Variants in SEPTIN9 observed in about 807,000 individuals in gnomAD.
SEPTIN9 encodes the protein septin 9, also known as septin-9.
A neutral mutation model predicts 56.6 loss-of-function variants in SEPTIN9; 13 were observed. The observed-to-expected ratio is 0.23, with a 90% CI of 0.15 to 0.37. SEPTIN9 has a LOEUF of 0.37. Among genes scored for constraint, SEPTIN9 ranks in the 10% least tolerant of loss-of-function variants. SEPTIN9 has a pLI of 1.00. For synonymous variants in SEPTIN9, 332 were observed against 334.1 expected (o/e 0.99, Z 0.07); for missense variants, 650 against 823.1 (o/e 0.79, Z 2.57).
Position 77,492,519 on chromosome 17 carries a change from G to A in SEPTIN9, c.1381-102G>A, listed in dbSNP as rs759390776. 19 of 1,068,416 alleles carry A rather than the reference G, an allele frequency of 1.8e-5. No individual in the cohort carries two copies. The highest frequency in any genetic ancestry group is 3.4e-5 in the Admixed American group (2 of 58,994). The allele number at this position is 1,068,416 out of a possible 1,614,324, so 66.2% of individuals were successfully genotyped here. A position where few individuals can be genotyped will look rare whatever the true frequency, so the allele number is the denominator to read the frequency against. ...CCCCCCAGAGCCTGCCCTTGAACCC[G>A]AGCCTGGGGCAGCACACAGTGTGGA... On this transcript the variant is annotated intron_variant, in intron 8 of 11. Coordinates refer to ENST00000427177, the MANE Select transcript of SEPTIN9 (RefSeq NM_001113491.2). This position sits in a 1 kb window ranked among gnomAD's most constrained non-coding sequence, Gnocchi z 5.4.
chr17:77,482,499 C>T (rs1326737146), intron 4 of SEPTIN9, 164 bp downstream of exon 4: 1 of 763,672 alleles, frequency 1.3e-6, no homozygotes, highest in Non-Finnish European at 2.3e-6. Flanking sequence ...ATGCATGCGC[C>T]TGGGAGGAGC....
At chr17:77,304,481 G>C (rs940437272) in intron 1 of SEPTIN9, among the ~76,000 whole-genome samples, 1 of 152,218 alleles carries the variant, frequency 6.6e-6, no homozygotes, top group African/African-American at 2.4e-5. Context: ...AGGCCCTGGG[G>C]TATTTAACCT....
At chr17:77,439,194 C>T (rs772545196) in intron 3 of SEPTIN9, among the ~76,000 whole-genome samples, 1 of 152,166 alleles carries the variant, frequency 6.6e-6, no homozygotes, top group African/African-American at 2.4e-5. Context: ...CTCCAAAGTG[C>T]TTTCCTCCCT....
Position 77,488,412 on chromosome 17 carries a change from C to T in SEPTIN9, c.1124+91C>T, listed in dbSNP as rs564072033. On this transcript the variant is annotated intron_variant, in intron 6 of 11. Transcript: ENST00000427177. ...TCAGCCCTAGAGGTTTCCCGGCCCGCGGGGGTGCAGGGCCCACCTCCTGGG... is the reference window on the plus strand; with the variant it reads ...TCAGCCCTAGAGGTTTCCCGGCCCGTGGGGGTGCAGGGCCCACCTCCTGGG... 480 of 1,247,416 alleles carry T rather than the reference C, an allele frequency of 3.8e-4. 1 individual carries two copies. Among genetic ancestry groups the T allele is most frequent in the Middle Eastern group, 2.4e-3 (12 of 5,042 alleles). 77.3% of individuals were successfully genotyped at this position (1,247,416 alleles called of 1,614,324 possible). A position where few individuals can be genotyped will look rare whatever the true frequency, so the allele number is the denominator to read the frequency against.
chr17:77,486,123 G>C (rs932518538), intron 4 of SEPTIN9, among the ~76,000 whole-genome samples: 1 of 148,862 alleles, frequency 6.7e-6, no homozygotes, highest in African/African-American at 2.5e-5. Context: ...GCCGATTTTT[G>C]TTTTTTTAAA....
chr17:77,354,884 C>T (rs986596842), intron 2 of SEPTIN9, among the ~76,000 whole-genome samples: 5 of 152,018 alleles, frequency 3.3e-5, no homozygotes, highest in Non-Finnish European at 5.9e-5. Context: ...CCTGACCTGG[C>T]GTGGCAGGCC....
At chr17:77,391,222 G>T (rs770228419) in intron 2 of SEPTIN9, among the ~76,000 whole-genome samples, 1 of 152,138 alleles carries the variant, frequency 6.6e-6, no homozygotes, top group African/African-American at 2.4e-5. Context: ...TGAGGGAGTC[G>T]AATGGAATGG....
chr17:77,383,201 T>G (rs534287924), intron 2 of SEPTIN9, among the ~76,000 whole-genome samples: 87 of 37,440 alleles, frequency 2.3e-3, no homozygotes, highest in African/African-American at 9.6e-3. Flanking sequence ...TCCCTCCCTC[T>G]TGCATTCTTT....
At chr17:77,440,375 G>A (rs972352084) in intron 3 of SEPTIN9, among the ~76,000 whole-genome samples, 9 of 152,102 alleles carry the variant, frequency 5.9e-5, no homozygotes, top group Admixed American at 2.0e-4. Context: ...GGCTGGTCTC[G>A]AACTCCCGAC....
At chr17:77,439,873 G>C (rs1355601345) in intron 3 of SEPTIN9, among the ~76,000 whole-genome samples, 5 of 152,182 alleles carry the variant, frequency 3.3e-5, no homozygotes, top group African/African-American at 9.7e-5. Flanking sequence ...GAAGGGCCTT[G>C]CCGAGTGCTG....
chr17:77,455,998 T>G (rs1373609831), intron 3 of SEPTIN9, among the ~76,000 whole-genome samples: 2 of 152,118 alleles, frequency 1.3e-5, no homozygotes, highest in African/African-American at 4.8e-5. Flanking sequence ...CCTGGAAGAT[T>G]CCCGGCACCG....
intron 2 of SEPTIN9, chr17:77,320,219 G>C (rs985247076): frequency 1.2e-6 from 2 of 1,609,162 alleles, no homozygotes; most frequent in African/African-American, 2.7e-5. Flanking sequence ...AGAGGAGGAG[G>C]AGGAGGAGGA....
intron 3 of SEPTIN9, among the ~76,000 whole-genome samples, chr17:77,419,498 G>A (rs892858701): frequency 4.6e-5 from 7 of 152,046 alleles, no homozygotes; most frequent in African/African-American, 1.7e-4. Context: ...CCACCTCAGG[G>A]GACCCCAGCG....
intron 2 of SEPTIN9, chr17:77,380,116 G>A (rs1043591595): frequency 1.8e-5 from 3 of 170,034 alleles, no homozygotes; most frequent in African/African-American, 7.1e-5. Flanking sequence ...GCAGAGCCCC[G>A]AGGCTCCGTT....
intron 3 of SEPTIN9, among the ~76,000 whole-genome samples, chr17:77,461,694 CAG>C (rs1269683803): frequency 1.3e-5 from 2 of 152,204 alleles, no homozygotes; most frequent in East Asian, 1.9e-4. Context: ...TCCAGAGAAA[CAG>C]AACCAATAGA....
At chr17:77,438,143 C>T (rs1401543579) in intron 3 of SEPTIN9, among the ~76,000 whole-genome samples, 3 of 152,192 alleles carry the variant, frequency 2.0e-5, no homozygotes, top group African/African-American at 7.2e-5. Flanking sequence ...GCCGTTGGGC[C>T]GAGGTCAGTT....
chr17:77,332,300 C>CA (rs11454652), intron 2 of SEPTIN9, among the ~76,000 whole-genome samples: 85,392 of 150,348 alleles, frequency 0.57, 24,880 homozygotes, highest in East Asian at 0.98. Context: ...AACAAAACCA[C>CA]AAAAAAGAAA....
rs1362141904 is a variant in SEPTIN9 at position 77,367,532 on chromosome 17, A to T, written c.77-34527A>T. On this transcript the variant is annotated intron_variant, in intron 2 of 11. Coordinates refer to ENST00000427177, the MANE Select transcript of SEPTIN9 (RefSeq NM_001113491.2). The surrounding 1 kb of genome is among the most constrained non-coding windows in gnomAD (Gnocchi z 4.5). ...TGCTGTGATGTTTAAGACTAAAGTG[A>T]TGGCTGGGCGCAGTGGCTCACGTCT... Among the ~76,000 whole-genome samples the T allele has an allele frequency of 6.6e-6, 1 of 152,024 alleles. No individual in the cohort carries two copies. Among genetic ancestry groups the T allele is most frequent in the African/African-American group, 2.4e-5 (1 of 41,388 alleles).
chr17:77,382,326 G>A (rs1465981691), intron 2 of SEPTIN9, among the ~76,000 whole-genome samples: 1 of 152,244 alleles, frequency 6.6e-6, no homozygotes, highest in Non-Finnish European at 1.5e-5. Context: ...ACTGCGCTCG[G>A]CCTTCTCTTG....
Sources: allele counts gnomAD v4.1 joint callset (sites outside exome capture counted in the v4.1 genomes callset), GRCh38; gene constraint gnomAD v4.1.1; non-coding constraint Gnocchi (gnomAD v3.1); transcripts MANE v1.5; gene names NCBI Gene and HGNC (gene_info 2026-07-23, HGNC 2026-07-21).